Variants in PRKN observed in about 807,000 individuals in gnomAD.
The protein encoded by PRKN is parkin RBR E3 ubiquitin protein ligase.
A neutral mutation model predicts 59.5 loss-of-function variants in PRKN; 56 were observed. That is an observed-to-expected ratio of 0.94 (90% confidence interval 0.76 to 1.18). PRKN has a LOEUF of 1.18. Among genes scored for constraint, PRKN ranks in the 50% most tolerant of loss-of-function variants. The pLI is 0.00. For missense variants in PRKN, 657 were observed against 596.4 expected (o/e 1.10, Z -1.06); for synonymous variants, 250 against 222.1 (o/e 1.13, Z -1.12).
chr6:161,892,589 T>C (rs1238197085), intron 6 of PRKN, among the ~76,000 whole-genome samples: 1 of 151,254 alleles, frequency 6.6e-6, no homozygotes, highest in African/African-American at 2.4e-5. Context: ...TACAGCAAGT[T>C]TGTTTTCAGA....
chr6:161,549,070 C>A lies in PRKN; in HGVS notation c.934-67G>T, dbSNP rs527410580. ...CAAATTTCAGCCAAAGGGTTAGGAG[C>A]TACAGTGCATGGGATTTCTTGCTTA... On this transcript the variant is annotated intron_variant, in intron 8 of 11. Coordinates refer to ENST00000366898, the MANE Select transcript of PRKN (RefSeq NM_004562.3). This position sits in a 1 kb window ranked among gnomAD's most constrained non-coding sequence, Gnocchi z 6.0. The A allele has an allele frequency of 1.9e-4, 300 of 1,555,212 alleles. 6 individuals carry two copies. The South Asian group carries it at 3.2e-3, about 16-fold the overall frequency.
chr6:162,409,171 A>ATT (rs149417318), intron 2 of PRKN, among the ~76,000 whole-genome samples: 9 of 146,466 alleles, frequency 6.1e-5, no homozygotes, highest in African/African-American at 2.2e-4. Flanking sequence ...TTTCTTTTGT[A>ATT]TTTTTTTTTT....
chr6:162,159,204 A>C (rs916342006), intron 4 of PRKN, among the ~76,000 whole-genome samples: 3 of 150,744 alleles, frequency 2.0e-5, no homozygotes, highest in African/African-American at 7.5e-5. Context: ...ACTGTTTTCT[A>C]TTGACTAATT....
At chr6:162,586,768 G>C (rs1173126550) in intron 1 of PRKN, among the ~76,000 whole-genome samples, 1 of 152,192 alleles carries the variant, frequency 6.6e-6, no homozygotes, top group Non-Finnish European at 1.5e-5. Context: ...GAAGGACACA[G>C]AAAAAGAGAG....
At chr6:161,696,295 A>G (rs938305554) in intron 7 of PRKN, among the ~76,000 whole-genome samples, 11 of 152,182 alleles carry the variant, frequency 7.2e-5, no homozygotes, top group African/African-American at 2.7e-4. Context: ...TATTTTTATG[A>G]CTTAAAATAT....
chr6:162,415,870 T>C (rs1788605086), intron 2 of PRKN, among the ~76,000 whole-genome samples: 1 of 152,200 alleles, frequency 6.6e-6, no homozygotes, highest in African/African-American at 2.4e-5. Context: ...TAGAATATAT[T>C]ATTCAGACTA....
At chr6:161,606,916 C>G (rs1192545651) in intron 7 of PRKN, among the ~76,000 whole-genome samples, 1 of 152,208 alleles carries the variant, frequency 6.6e-6, no homozygotes, top group Non-Finnish European at 1.5e-5. Flanking sequence ...CAGAGTAGCC[C>G]TACAGAGTGG....
intron 6 of PRKN, among the ~76,000 whole-genome samples, chr6:161,801,013 C>T (rs1166100489): frequency 6.6e-6 from 1 of 152,156 alleles, no homozygotes; most frequent in Admixed American, 6.5e-5. Flanking sequence ...AAAATAGTGG[C>T]TTAATGCATG....
chr6:162,303,097 G>C (rs1296834442), intron 2 of PRKN, among the ~76,000 whole-genome samples: 1 of 150,948 alleles, frequency 6.6e-6, no homozygotes, highest in Non-Finnish European at 1.5e-5. Context: ...ATTTGGAAAG[G>C]TAATTCAGTA....
intron 7 of PRKN, among the ~76,000 whole-genome samples, chr6:161,723,437 T>C (rs1428860865): frequency 6.6e-6 from 1 of 152,156 alleles, no homozygotes; most frequent in African/African-American, 2.4e-5. Context: ...GATCTTTGCA[T>C]TGGAAAGCAT....
chr6:162,230,968 A>G lies in PRKN; in HGVS notation c.413-29716T>C, dbSNP rs75342128. 8.8e-3 allele frequency among the ~76,000 whole-genome samples: 1,341 copies of G among 152,352 alleles called. 17 individuals are homozygous for G. The highest frequency in any genetic ancestry group is 0.014 in the Non-Finnish European group (962 of 68,030). On this transcript the variant is annotated intron_variant, in intron 3 of 11. Coordinates refer to ENST00000366898, the MANE Select transcript of PRKN (RefSeq NM_004562.3). ...GTGGGTTCAGACACCTGTCTCCCCAATGTGATGTAAATTCATTGGACTGAT... is the reference window on the plus strand; with the variant it reads ...GTGGGTTCAGACACCTGTCTCCCCAGTGTGATGTAAATTCATTGGACTGAT...
In PRKN at chr6:161,442,333, A is replaced by C. The variant is rs181310204; in HGVS notation, c.1084-55456T>G. ...AAAACATAAAATGATTAGCACAAAA[A>C]ATACACCATGAAATGAGTTTAAAGT... On this transcript the variant is annotated intron_variant, in intron 9 of 11. Transcript: ENST00000366898. The surrounding 1 kb of genome is among the most constrained non-coding windows in gnomAD (Gnocchi z 4.6). 3.5e-3 allele frequency among the ~76,000 whole-genome samples: 532 copies of C among 152,354 alleles called. 3 individuals carry two copies. Among genetic ancestry groups the C allele is most frequent in the African/African-American group, 0.012 (517 of 41,580 alleles).
intron 7 of PRKN, among the ~76,000 whole-genome samples, chr6:161,742,558 G>A (rs1788233485): frequency 6.6e-6 from 1 of 152,150 alleles, no homozygotes; most frequent in Non-Finnish European, 1.5e-5. Context: ...CTTCCCATGT[G>A]CATTGTGGAA....
chr6:161,636,346 C>T (rs1013531083), intron 7 of PRKN, among the ~76,000 whole-genome samples: 4 of 152,218 alleles, frequency 2.6e-5, no homozygotes, highest in East Asian at 1.9e-4. Context: ...GCAGGAGCAG[C>T]GGGCAAGGCT....
rs1784402431 is a variant in PRKN at position 161,348,097 on chromosome 6, A to G, written c.*2002T>C. Reference sequence around the variant, plus strand: ...GCCCAACGCAGCATGCAGATTGGGAAGGCGCAATAATGCAAACACCATCAG... The same window carrying G: ...GCCCAACGCAGCATGCAGATTGGGAGGGCGCAATAATGCAAACACCATCAG... On this transcript the variant is annotated 3_prime_UTR_variant, in exon 12 of 12. Transcript: ENST00000366898. The surrounding 1 kb of genome is among the most constrained non-coding windows in gnomAD (Gnocchi z 4.9). 1 of 189,518 alleles carries G rather than the reference A, an allele frequency of 5.3e-6. No individual in the cohort carries two copies. Among genetic ancestry groups the G allele is most frequent in the Non-Finnish European group, 1.1e-5 (1 of 90,238 alleles). The allele number at this position is 189,518 out of a possible 1,614,324, so 11.7% of individuals were successfully genotyped here.
At chr6:161,394,392 C>A (rs1326761900) in intron 9 of PRKN, among the ~76,000 whole-genome samples, 4 of 152,160 alleles carry the variant, frequency 2.6e-5, no homozygotes, top group Non-Finnish European at 5.9e-5. Flanking sequence ...CTGTACTAAT[C>A]CCCAGGGATA....
At chr6:161,961,280 C>T (rs1196621988) in intron 6 of PRKN, among the ~76,000 whole-genome samples, 5 of 152,090 alleles carry the variant, frequency 3.3e-5, no homozygotes, top group South Asian at 2.1e-4. Flanking sequence ...TTTGTGGTCA[C>T]GGTCTGGTCA....
intron 9 of PRKN, among the ~76,000 whole-genome samples, chr6:161,521,379 T>G (rs1362165812): frequency 1.3e-5 from 2 of 152,192 alleles, no homozygotes; most frequent in African/African-American, 4.8e-5. Context: ...AAAATTAGGA[T>G]AGAAATCCCA....
chr6:162,530,955 C>A (rs1487074101), intron 1 of PRKN, among the ~76,000 whole-genome samples: 1 of 149,744 alleles, frequency 6.7e-6, no homozygotes, highest in Non-Finnish European at 1.5e-5. Flanking sequence ...TACTTGGTAG[C>A]CTGAGGCAGG....
Sources: allele counts gnomAD v4.1 joint callset (sites outside exome capture counted in the v4.1 genomes callset), GRCh38; gene constraint gnomAD v4.1.1; non-coding constraint Gnocchi (gnomAD v3.1); transcripts MANE v1.5; gene names NCBI Gene and HGNC (gene_info 2026-07-23, HGNC 2026-07-21).